The following RAD17 variants were observed in gnomAD, a reference collection of about 807,000 sequenced individuals.
RAD17 encodes cell cycle checkpoint protein RAD17.
A neutral mutation model predicts 81.5 loss-of-function variants in RAD17; 31 were observed. The ratio of observed to expected loss-of-function variants is 0.38; its 90% CI spans 0.29 to 0.51. The LOEUF (loss-of-function observed/expected upper bound fraction) is 0.51. RAD17 is among the 20% of genes least tolerant of loss of function. The pLI is 0.88. For missense variants in RAD17, 681 were observed against 781.2 expected, an observed-to-expected ratio of 0.87 and a Z score of 1.53; for synonymous variants, 261 against 266.2, an observed-to-expected ratio of 0.98 and a Z score of 0.19.
At chr5:69,397,504 C>A (rs750800163) in intron 16 of RAD17, among the ~76,000 whole-genome samples, 2 of 152,096 alleles carry the variant, frequency 1.3e-5, no homozygotes, top group African/African-American at 4.8e-5. Flanking sequence ...TGGCTCACAC[C>A]TGTAATCCCA....
chr5:69,412,097 C>G (rs952518410), intron 18 of RAD17, among the ~76,000 whole-genome samples: 1 of 152,160 alleles, frequency 6.6e-6, no homozygotes, highest in Non-Finnish European at 1.5e-5. Context: ...GCTGGGACTA[C>G]AGGCGCCCGC....
At chr5:69,386,904 C>A (rs183405841) in intron 11 of RAD17, among the ~76,000 whole-genome samples, 1 of 147,820 alleles carries the variant, frequency 6.8e-6, no homozygotes, top group Non-Finnish European at 1.5e-5. Context: ...AGTCTATTTA[C>A]ATTCATATAC....
chr5:69,372,322 C>T (rs531406821), intron 4 of RAD17, 105 bp downstream of exon 4: 52 of 1,095,220 alleles, frequency 4.7e-5, no homozygotes, highest in African/African-American at 1.4e-4. Context: ...ACTTAGCATT[C>T]GTAAAGTATT....
Position 69,414,129 on chromosome 5 carries a change from C to G in RAD17, c.1850C>G (p.Ser617Cys), listed in dbSNP as rs200560109. ...QLNGGHSAEE[S>C]LGEPTQATVP... The stretch of plus-strand genomic sequence containing the variant: ...AATGGAGGACATTCTGCAGAGGAAT[C>G]TCTGGGTGAACCCACTCAAGCCACT... Residue 617 changes from serine (S) to cysteine (C), a missense_variant, in exon 19 of 19, where the codon TCT becomes TGT. By Grantham distance (112) the Ser-to-Cys change is moderately radical. Coordinates refer to ENST00000354868, the MANE Select transcript of RAD17 (RefSeq NM_133338.3). 1.2e-6 allele frequency: 2 copies of G among 1,614,264 alleles called. No homozygotes were observed. Among genetic ancestry groups the G allele is most frequent in the Non-Finnish European group, 1.7e-6 (2 of 1,180,048 alleles).
chr5:69,397,820 T>C (rs1056463017), intron 16 of RAD17, among the ~76,000 whole-genome samples: 2 of 152,056 alleles, frequency 1.3e-5, no homozygotes, highest in African/African-American at 2.4e-5. Flanking sequence ...CAATGTGTCA[T>C]GTATTTGAAA....
At position 69,386,168 on chromosome 5, in the gene RAD17, T is replaced by G; in HGVS notation, c.699-12T>G. 6.2e-7 allele frequency: 1 copy of G among 1,601,724 alleles called. No individual in the cohort carries two copies. On this transcript the variant is annotated splice_polypyrimidine_tract_variant and intron_variant, in intron 9 of 18. Coordinates refer to ENST00000354868, the MANE Select transcript of RAD17 (RefSeq NM_133338.3). ...GCTTAAATTTCAACATTGCTGTATT[T>G]TGTTATTTTAGGAAGTATGTGAGGA...
chr5:69,403,259 A>G (rs578041010), intron 17 of RAD17, among the ~76,000 whole-genome samples: 1 of 152,340 alleles, frequency 6.6e-6, no homozygotes, highest in South Asian at 2.1e-4. Context: ...GATCTGGAAC[A>G]GTTTTGTAGT....
At chr5:69,389,170 T>G (rs1466071578) in intron 12 of RAD17, 25 bp downstream of exon 12, 4 of 1,392,374 alleles carry the variant, frequency 2.9e-6, no homozygotes, top group Non-Finnish European at 4.0e-6. Flanking sequence ...TACAGTCATG[T>G]GGCATTATAT....
At chr5:69,408,914 G>A (rs1765799985) in intron 17 of RAD17, among the ~76,000 whole-genome samples, 1 of 152,166 alleles carries the variant, frequency 6.6e-6, no homozygotes, top group Non-Finnish European at 1.5e-5. Flanking sequence ...AGGCTTTCAA[G>A]CCAGTTTCTG....
Position 69,371,435 on chromosome 5 carries a change from TTCCCC to T in RAD17, c.-279-18_-279-14del. The stretch of plus-strand genomic sequence containing the variant: ...CAGTTTTTCTTCATTTGAGGGCTTC[TTCCCC>T]CCCCCCCCCCCAGGTGAATTATAGT... On this transcript the variant is annotated splice_polypyrimidine_tract_variant and intron_variant, in intron 2 of 18. Transcript: ENST00000354868. 4.4e-6 allele frequency: 2 copies of T among 455,212 alleles called. No homozygotes were observed. The highest frequency in any genetic ancestry group is 4.1e-5 in the East Asian group (1 of 24,690). 28.2% of individuals were successfully genotyped at this position (455,212 alleles called of 1,614,324 possible).
chr5:69,404,578 G>C (rs1438767832), intron 17 of RAD17, among the ~76,000 whole-genome samples: 7 of 152,020 alleles, frequency 4.6e-5, no homozygotes, highest in African/African-American at 9.7e-5. Flanking sequence ...GACCAGCCTG[G>C]CCAACATGGC....
chr5:69,390,361 C>G (rs1764476004), intron 12 of RAD17, among the ~76,000 whole-genome samples: 1 of 152,100 alleles, frequency 6.6e-6, no homozygotes, highest in African/African-American at 2.4e-5. Flanking sequence ...AAAAATGAAA[C>G]TTGGGTCAGG....
At chr5:69,374,571 G>A (rs1460744210) in intron 5 of RAD17, 57 bp from the exon 6 acceptor site, 6 of 1,294,602 alleles carry the variant, frequency 4.6e-6, no homozygotes, top group Admixed American at 2.0e-5. Flanking sequence ...ATGTGCTGAT[G>A]TACCAAAAAA....
chr5:69,372,678 C>G (rs1487065308), intron 4 of RAD17, among the ~76,000 whole-genome samples: 1 of 151,858 alleles, frequency 6.6e-6, no homozygotes, highest in Non-Finnish European at 1.5e-5. Context: ...GTGGGGTGAT[C>G]ATGGTTCACT....
chr5:69,410,606 G>A, intron 18 of RAD17, 56 bp downstream of exon 18: 3 of 1,477,280 alleles, frequency 2.0e-6, no homozygotes, highest in East Asian at 2.3e-5. Flanking sequence ...TACTGAATAT[G>A]TTCAGTATGA....
intron 8 of RAD17, 53 bp downstream of exon 8, chr5:69,384,986 CTG>C: frequency 7.2e-7 from 1 of 1,395,850 alleles, no homozygotes; most frequent in Non-Finnish European, 9.5e-7. Flanking sequence ...TGGAGTCTTG[CTG>C]TGTCACTGTC....
intron 17 of RAD17, among the ~76,000 whole-genome samples, chr5:69,409,387 T>TG (rs2150888147): frequency 6.6e-6 from 1 of 152,264 alleles, no homozygotes; most frequent in Non-Finnish European, 1.5e-5. Context: ...TGTTCTTGGC[T>TG]GTACCCACCT....
In RAD17 at chr5:69,393,746, G is replaced by A. The variant is rs1334901649; in HGVS notation, c.1422+246G>A. ...TTCTTTTTTTCTTTTTTTTCTGTGT[G>A]TGTGTGTAGAGACAGGGTCTTACTG... On this transcript the variant is annotated intron_variant, in intron 15 of 18. Coordinates refer to ENST00000354868, the MANE Select transcript of RAD17 (RefSeq NM_133338.3). 2.6e-5 allele frequency among the ~76,000 whole-genome samples: 4 copies of A among 151,652 alleles called. No individual in the cohort carries two copies. In the East Asian group the frequency reaches 7.8e-4, roughly 29 times the overall value.
chr5:69,384,726 G>A, intron 7 of RAD17, 71 bp from the exon 8 acceptor site: 1 of 1,359,120 alleles, frequency 7.4e-7, no homozygotes, highest in Non-Finnish European at 1.0e-6. Flanking sequence ...ATGTGTGTGT[G>A]TACATACAGA....
Sources: allele counts gnomAD v4.1 joint callset (sites outside exome capture counted in the v4.1 genomes callset), GRCh38; gene constraint gnomAD v4.1.1; transcripts MANE v1.5; gene names NCBI Gene and HGNC (gene_info 2026-07-23, HGNC 2026-07-21).